The following CA8 variants were observed in gnomAD, a reference collection of about 807,000 sequenced individuals.
CA8 encodes carbonic anhydrase 8 (inactive).
CA8 carries 22 observed loss-of-function variants against 41.4 expected under a neutral mutation model. That is an observed-to-expected ratio of 0.53 (90% confidence interval 0.38 to 0.76). The LOEUF (loss-of-function observed/expected upper bound fraction) is 0.76. CA8 is among the 30% of genes least tolerant of loss of function. CA8 has a pLI of 0.00. For missense variants in CA8, 270 were observed against 352.8 expected (o/e 0.77, Z 1.88); for synonymous variants, 121 against 130.6 (o/e 0.93, Z 0.50).
At chr8:60,243,087 A>C (rs942325288) in intron 3 of CA8, among the ~76,000 whole-genome samples, 2 of 152,234 alleles carry the variant, frequency 1.3e-5, no homozygotes, top group Non-Finnish European at 2.9e-5. Flanking sequence ...CCAAGTGTTT[A>C]AACTCTACAA....
intron 7 of CA8, among the ~76,000 whole-genome samples, chr8:60,210,983 T>C (rs1806815709): frequency 6.6e-6 from 1 of 152,176 alleles, no homozygotes; most frequent in African/African-American, 2.4e-5. Context: ...ACCTGGTCAG[T>C]GAGAGAATCT....
At chr8:60,195,212 A>G (rs1266465901) in intron 8 of CA8, among the ~76,000 whole-genome samples, 1 of 152,236 alleles carries the variant, frequency 6.6e-6, no homozygotes, top group Admixed American at 6.5e-5. Flanking sequence ...GTATGGCCAC[A>G]TCCTAAGAAG....
intron 3 of CA8, among the ~76,000 whole-genome samples, chr8:60,260,881 G>C (rs931291419): frequency 2.0e-5 from 3 of 152,160 alleles, no homozygotes; most frequent in African/African-American, 4.8e-5. Flanking sequence ...GTTCCTGAAA[G>C]TTAAATAACT....
chr8:60,186,163 G>A lies in CA8; in HGVS notation c.*3858C>T, dbSNP rs1171216930. Among the ~76,000 whole-genome samples, 2 of 151,918 alleles carry A rather than the reference G, an allele frequency of 1.3e-5. No individual in the cohort carries two copies. The highest frequency in any genetic ancestry group is 4.8e-5 in the African/African-American group (2 of 41,388). On this transcript the variant is annotated 3_prime_UTR_variant, in exon 9 of 9. Coordinates refer to ENST00000317995, the MANE Select transcript of CA8 (RefSeq NM_004056.6). The stretch of plus-strand genomic sequence containing the variant: ...AAATATAATTTGTTCTCAAGTCTCT[G>A]CTTGCTTAATATACATACAATTACA...
At chr8:60,255,736 A>G (rs1808613697) in intron 3 of CA8, among the ~76,000 whole-genome samples, 1 of 152,192 alleles carries the variant, frequency 6.6e-6, no homozygotes, top group African/African-American at 2.4e-5. Context: ...CAGGTTTCTT[A>G]AAGAACAAAA....
chr8:60,278,696 A>G (rs916456234), intron 2 of CA8, among the ~76,000 whole-genome samples: 1 of 152,214 alleles, frequency 6.6e-6, no homozygotes, highest in Non-Finnish European at 1.5e-5. Flanking sequence ...AGGAGACTAC[A>G]TGAATCTATG....
chr8:60,207,130 C>T (rs1322986557), intron 8 of CA8, among the ~76,000 whole-genome samples: 6 of 152,094 alleles, frequency 3.9e-5, no homozygotes, highest in Non-Finnish European at 8.8e-5. Context: ...ACTCTCTAAC[C>T]TCTGCCCATG....
chr8:60,215,358 T>TACAC (rs144232916), intron 7 of CA8, among the ~76,000 whole-genome samples: 4,324 of 143,948 alleles, frequency 0.03, 138 homozygotes, highest in African/African-American at 0.083. Context: ...TGTGTGTGTA[T>TACAC]ACACACACAC....
Position 60,208,773 on chromosome 8 carries a change from T to C in CA8, c.*12A>G. 1 of 1,614,176 alleles carries C rather than the reference T, an allele frequency of 6.2e-7. No homozygotes were observed. Among genetic ancestry groups the C allele is most frequent in the Non-Finnish European group, 8.5e-7 (1 of 1,180,008 alleles). ...ACCCTCATGAAGACAGACTTGTTCCTGTCCTCTTTGGCTACTGAAATGCAG... is the reference window on the plus strand; with the variant it reads ...ACCCTCATGAAGACAGACTTGTTCCCGTCCTCTTTGGCTACTGAAATGCAG... On this transcript the variant is annotated 3_prime_UTR_variant, in exon 8 of 9. Coordinates refer to ENST00000317995, the MANE Select transcript of CA8 (RefSeq NM_004056.6).
Position 60,188,206 on chromosome 8 carries a change from G to C in CA8, c.*1815C>G, listed in dbSNP as rs937535313. ...TACACACACACCTGTGAAGGGTGAA[G>C]TCTGAACAACTAGATGTTATCCTGA... On this transcript the variant is annotated 3_prime_UTR_variant, in exon 9 of 9. Coordinates refer to ENST00000317995, the MANE Select transcript of CA8 (RefSeq NM_004056.6). The C allele has an allele frequency of 6.6e-6, 1 of 152,134 alleles. No homozygotes were observed. Among genetic ancestry groups the C allele is most frequent in the Non-Finnish European group, 1.5e-5 (1 of 68,014 alleles). The allele number at this position is 152,134 out of a possible 1,614,324, so 9.4% of individuals were successfully genotyped here.
chr8:60,190,073 G>C (rs1457964407), intron 8 of CA8, 88 bp from the exon 9 acceptor site: 1 of 150,938 alleles, frequency 6.6e-6, no homozygotes, highest in African/African-American at 2.4e-5. Context: ...CAGTACAAGA[G>C]ATAGTAAAAA....
At chr8:60,197,799 T>G (rs974064770) in intron 8 of CA8, among the ~76,000 whole-genome samples, 2 of 152,166 alleles carry the variant, frequency 1.3e-5, no homozygotes, top group Non-Finnish European at 1.5e-5. Context: ...AAATCAAAGG[T>G]GACCTTTGCT....
Position 60,186,541 on chromosome 8 carries a change from A to T in CA8, c.*3480T>A, listed in dbSNP as rs57176356. ...TGGAAAACAAAAAGTAAAATGGCAG[A>T]CACAAATCCAACTATATAAACAATA... On this transcript the variant is annotated 3_prime_UTR_variant, in exon 9 of 9. Transcript: ENST00000317995. Among the ~76,000 whole-genome samples the T allele has an allele frequency of 9.6e-3, 1,461 of 152,090 alleles. 21 individuals are homozygous for T. Among genetic ancestry groups the T allele is most frequent in the African/African-American group, 0.034 (1,402 of 41,568 alleles).
chr8:60,251,158 C>T (rs1387736955), intron 3 of CA8, among the ~76,000 whole-genome samples: 1 of 152,118 alleles, frequency 6.6e-6, no homozygotes, highest in Non-Finnish European at 1.5e-5. Context: ...TTCAAAGATG[C>T]TAAAGAAGTA....
intron 3 of CA8, among the ~76,000 whole-genome samples, chr8:60,236,828 T>C (rs1807845887): frequency 6.6e-6 from 1 of 152,236 alleles, no homozygotes; most frequent in South Asian, 2.1e-4. Flanking sequence ...CTCCAAAGTT[T>C]GTTCTAATGC....
At chr8:60,211,363 A>T (rs1040195599) in intron 7 of CA8, among the ~76,000 whole-genome samples, 6 of 152,234 alleles carry the variant, frequency 3.9e-5, no homozygotes, top group Non-Finnish European at 5.9e-5. Flanking sequence ...TTCACTGAGG[A>T]AATTTAAAGT....
chr8:60,202,884 T>C (rs1271389770), intron 8 of CA8, among the ~76,000 whole-genome samples: 6 of 152,194 alleles, frequency 3.9e-5, no homozygotes, highest in Admixed American at 3.9e-4. Context: ...CCTGGCATAG[T>C]AAAGATTCTC....
At chr8:60,208,483 T>A in intron 8 of CA8, 1 of 419,506 alleles carries the variant, frequency 2.4e-6, no homozygotes, top group Non-Finnish European at 4.4e-6. Context: ...GGCCTGAGGG[T>A]GTCTGTTCTT....
rs1425898285 is a variant in CA8 at position 60,232,350 on chromosome 8, C to A, written c.447G>T (p.Leu149=). Residue 149 remains leucine (L), a synonymous_variant, in exon 4 of 9, where the codon CTG becomes CTT. Coordinates refer to ENST00000317995, the MANE Select transcript of CA8 (RefSeq NM_004056.6). ...CCACAGCCTCATCAATGCTGCCAAA[C>A]AGAGTGGAGTTCCAGTGGATCAGAT... The part of the protein sequence containing the change: ...ELHLIHWNST[L]FGSIDEAVGK... 6.2e-7 allele frequency: 1 copy of A among 1,614,058 alleles called. No homozygotes were observed. The highest frequency in any genetic ancestry group is 1.1e-5 in the South Asian group (1 of 91,084).
Sources: gnomAD v4.1 joint callset for allele counts (sites outside exome capture counted in the v4.1 genomes callset) on GRCh38, gnomAD v4.1.1 for gene constraint, MANE v1.5 for transcripts, NCBI Gene and HGNC (gene_info 2026-07-23, HGNC 2026-07-21) for gene names.